ZZEF1: variants seen among roughly 807,000 people sequenced by gnomAD.
ZZEF1 encodes zinc finger ZZ-type and EF-hand domain-containing protein 1.
A neutral mutation model predicts 342.8 loss-of-function variants in ZZEF1; 157 were observed. That is an observed-to-expected ratio of 0.46 (90% CI 0.40 to 0.52). The LOEUF (loss-of-function observed/expected upper bound fraction) is 0.52. Among genes scored for constraint, ZZEF1 ranks in the 20% least tolerant of loss-of-function variants. The probability of loss-of-function intolerance (pLI) is 0.00; values close to 1 mark genes in which losing one functional copy is unlikely to be tolerated. For missense variants in ZZEF1, 3,480 were observed against 3,725.6 expected, an observed-to-expected ratio of 0.93 and a Z score of 1.72; for synonymous variants, 1,505 against 1,429.1, an observed-to-expected ratio of 1.05 and a Z score of -1.20.
chr17:4,083,916 T>C (rs540207636), intron 16 of ZZEF1, among the ~76,000 whole-genome samples: 27 of 152,352 alleles, frequency 1.8e-4, no homozygotes, highest in African/African-American at 6.0e-4. Context: ...TAGTTTCCTT[T>C]GTCAAATTCT....
chr17:4,018,368 G>A (rs762435880), intron 46 of ZZEF1, among the ~76,000 whole-genome samples: 2 of 152,074 alleles, frequency 1.3e-5, no homozygotes, highest in Non-Finnish European at 2.9e-5. Context: ...GCCTGCCTCA[G>A]CCTCCCTAGT....
intron 1 of ZZEF1, among the ~76,000 whole-genome samples, chr17:4,128,835 G>A (rs976350330): frequency 7.2e-6 from 1 of 139,404 alleles, no homozygotes; most frequent in African/African-American, 2.7e-5. Context: ...GCAGTGGTGG[G>A]ATCTCGGCTT....
At chr17:4,094,769 G>A (rs182790328) in intron 11 of ZZEF1, among the ~76,000 whole-genome samples, 1 of 152,186 alleles carries the variant, frequency 6.6e-6, no homozygotes, top group East Asian at 1.9e-4. Context: ...AGGTCCTGTC[G>A]CTTCTCCCTC....
Position 4,081,502 on chromosome 17 carries a change from C to T in ZZEF1, c.2715-12G>A. ...CTGGATCCTTGTCACTGAAAGGATACAAATTAGTCATGACACCTGGCTTCA... is the reference window on the plus strand; with the variant it reads ...CTGGATCCTTGTCACTGAAAGGATATAAATTAGTCATGACACCTGGCTTCA... On this transcript the variant is annotated splice_polypyrimidine_tract_variant and intron_variant, in intron 17 of 54. Coordinates refer to ENST00000381638, the MANE Select transcript of ZZEF1 (RefSeq NM_015113.4). The T allele has an allele frequency of 6.2e-7, 1 of 1,603,822 alleles. No individual in the cohort carries two copies. Among genetic ancestry groups the T allele is most frequent in the Non-Finnish European group, 8.5e-7 (1 of 1,171,080 alleles).
At chr17:4,130,223 G>A (rs1269621972) in intron 1 of ZZEF1, among the ~76,000 whole-genome samples, 1 of 152,176 alleles carries the variant, frequency 6.6e-6, no homozygotes, top group East Asian at 1.9e-4. Flanking sequence ...GGAAGCTGAG[G>A]CAGGCAGATC....
chr17:4,139,416 C>A (rs984464247), intron 1 of ZZEF1, among the ~76,000 whole-genome samples: 4 of 152,200 alleles, frequency 2.6e-5, no homozygotes, highest in African/African-American at 9.7e-5. Context: ...CTTATAAAAA[C>A]GAATGACGGA....
At chr17:4,061,642 A>G (rs2145216872) in intron 30 of ZZEF1, among the ~76,000 whole-genome samples, 1 of 151,704 alleles carries the variant, frequency 6.6e-6, no homozygotes, top group East Asian at 1.9e-4. Flanking sequence ...TTTCTTCCAT[A>G]CTCTTTCCCT....
chr17:4,067,114 C>T (rs9893302), intron 27 of ZZEF1, 49 bp downstream of exon 27: 194,261 of 1,460,764 alleles, frequency 0.13, 14,000 homozygotes, highest in African/African-American at 0.2. Flanking sequence ...CATGATATCA[C>T]GGTAGAAAAC....
chr17:4,021,534 C>T (rs1165255214), intron 44 of ZZEF1, among the ~76,000 whole-genome samples: 1 of 152,248 alleles, frequency 6.6e-6, no homozygotes, highest in Non-Finnish European at 1.5e-5. Flanking sequence ...TGTGTTTATT[C>T]ACTTCCCCAC....
In ZZEF1 at chr17:4,016,383, T is replaced by C; in HGVS notation, c.8085A>G (p.Pro2695=). The change falls in exon 49 of 55, where the codon CCA becomes CCG. Residue 2695 remains proline, a synonymous_variant. Transcript: ENST00000381638. The surrounding 1 kb of genome is among the most constrained non-coding windows in gnomAD (Gnocchi z 4.4). ...ACTCCCTCACTTGCACCTCCATTCC[T>C]GGCTCCTCCATGAACTGGCATGCAG... ...ALAACQFMEE[P]GMEVQVRESK... The C allele has an allele frequency of 6.2e-7, 1 of 1,614,202 alleles. No individual in the cohort carries two copies. Among genetic ancestry groups the C allele is most frequent in the Non-Finnish European group, 8.5e-7 (1 of 1,180,028 alleles).
intron 1 of ZZEF1, among the ~76,000 whole-genome samples, 169 bp from the exon 2 acceptor site, chr17:4,124,220 C>T (rs7210266): frequency 0.92 from 139,287 of 152,114 alleles, 65,057 homozygotes; most frequent in East Asian, 1. Context: ...GAACTCACTG[C>T]GCTTTGTAGG....
intron 5 of ZZEF1, among the ~76,000 whole-genome samples, chr17:4,111,380 G>A (rs1015107395): frequency 1.3e-5 from 2 of 151,934 alleles, no homozygotes; most frequent in African/African-American, 4.8e-5. Context: ...TTTTTAATGG[G>A]CCAGTGCAGT....
At position 4,017,441 on chromosome 17, in the gene ZZEF1, C is replaced by G; in HGVS notation, c.7931G>C (p.Ser2644Thr). ...VPVSEDILEL[S>T]GPAHMTYILD... ...AATGTAGGTCATATGGGCAGGGCCA[C>G]TGAGCTCCAGGATGTCCTCGCTCAC... The change falls in exon 48 of 55, where the codon AGT becomes ACT. Residue 2644 changes from serine (S) to threonine (T), a missense_variant. Coordinates refer to ENST00000381638, the MANE Select transcript of ZZEF1 (RefSeq NM_015113.4). The surrounding 1 kb of genome is among the most constrained non-coding windows in gnomAD (Gnocchi z 5.1). 1 of 1,613,978 alleles carries G rather than the reference C, an allele frequency of 6.2e-7. No individual in the cohort carries two copies. The highest frequency in any genetic ancestry group is 8.5e-7 in the Non-Finnish European group (1 of 1,179,846).
At position 4,092,619 on chromosome 17, in the gene ZZEF1, T is replaced by G. The variant is rs565801011; in HGVS notation, c.1914-1789A>C. Reference sequence around the variant, plus strand: ...CCACTGTGCCCGGCAAAATGTCCCTTCTTAACATAAGTCTTTCTTGGCATA... The same window carrying G: ...CCACTGTGCCCGGCAAAATGTCCCTGCTTAACATAAGTCTTTCTTGGCATA... On this transcript the variant is annotated intron_variant, in intron 11 of 54. Transcript: ENST00000381638. Among the ~76,000 whole-genome samples, 29 of 152,250 alleles carry G rather than the reference T, an allele frequency of 1.9e-4. No individual in the cohort carries two copies. The South Asian group carries it at 5.4e-3, about 28-fold the overall frequency.
chr17:4,014,534 GA>G lies in ZZEF1; in HGVS notation c.8146-20del. The G allele has an allele frequency of 6.2e-7, 1 of 1,613,592 alleles. No individual in the cohort carries two copies. Among genetic ancestry groups the G allele is most frequent in the Non-Finnish European group, 8.5e-7 (1 of 1,179,660 alleles). ...CTTTATCCTAGGGAGGGGAAATGGA[GA>G]ACACATCTGTCGATGCTGCTCACTA... On this transcript the variant is annotated intron_variant, in intron 49 of 54. Transcript: ENST00000381638. This position sits in a 1 kb window ranked among gnomAD's most constrained non-coding sequence, Gnocchi z 4.4.
At chr17:4,131,028 A>T (rs1272467188) in intron 1 of ZZEF1, among the ~76,000 whole-genome samples, 1 of 152,186 alleles carries the variant, frequency 6.6e-6, no homozygotes, top group Non-Finnish European at 1.5e-5. Flanking sequence ...GTCATTACTC[A>T]GCCCAAATCC....
chr17:4,025,071 C>A lies in ZZEF1; in HGVS notation c.6940G>T (p.Asp2314Tyr). ...VQKGGGQECG[D>Y]SRAQLSQYSQ... The stretch of plus-strand genomic sequence containing the variant: ...TACTGGCTCAGCTGGGCCCGAGAGT[C>A]ACCACACTCTTGTCCTCCTCCCTTC... Residue 2314 changes from aspartate to tyrosine, a missense_variant, in exon 43 of 55, where the codon GAC becomes TAC. Around this residue, in one of 5 missense-constraint regions of ZZEF1, gnomAD observed 1,269 missense variants for 1,342.4 expected, o/e 0.95. Transcript: ENST00000381638. 1 of 1,614,172 alleles carries A rather than the reference C, an allele frequency of 6.2e-7. No individual in the cohort carries two copies. The highest frequency in any genetic ancestry group is 2.2e-5 in the East Asian group (1 of 44,884).
chr17:4,027,691 CT>C (rs1435971957), intron 42 of ZZEF1, among the ~76,000 whole-genome samples: 2 of 151,054 alleles, frequency 1.3e-5, no homozygotes, highest in Non-Finnish European at 2.9e-5. Flanking sequence ...CCTTGATCTC[CT>C]CGGCTCAAGT....
At chr17:4,057,904 T>C in intron 32 of ZZEF1, 90 bp downstream of exon 32, 1 of 1,347,772 alleles carries the variant, frequency 7.4e-7, no homozygotes, top group Non-Finnish European at 1.0e-6. Context: ...ACAGTCTAGC[T>C]CCGGAGTCTG....
Sources: allele counts gnomAD v4.1 joint callset (sites outside exome capture counted in the v4.1 genomes callset), GRCh38; gene constraint gnomAD v4.1.1; regional missense constraint gnomAD v4.1.1; non-coding constraint Gnocchi (gnomAD v3.1); transcripts MANE v1.5; gene names NCBI Gene and HGNC (gene_info 2026-07-23, HGNC 2026-07-21).